DAAM2: variants seen among roughly 807,000 people sequenced by gnomAD.
The protein encoded by DAAM2 is disheveled-associated activator of morphogenesis 2.
A neutral mutation model predicts 120.7 loss-of-function variants in DAAM2; 39 were observed. The ratio of observed to expected loss-of-function variants is 0.32; its 90% CI spans 0.25 to 0.42. DAAM2 has a LOEUF of 0.42. Among genes scored for constraint, DAAM2 ranks in the 10% least tolerant of loss-of-function variants. DAAM2 has a pLI of 1.00. For missense variants in DAAM2, 1,283 were observed against 1,401.7 expected (o/e 0.92, Z 1.35); for synonymous variants, 488 against 524.9 (o/e 0.93, Z 0.96).
intron 15 of DAAM2, chr6:39,886,138 T>G: frequency 2.9e-6 from 1 of 343,864 alleles, no homozygotes; most frequent in Non-Finnish European, 5.2e-6. Context: ...AACTCAGGGG[T>G]TTGGTCTGCC....
intron 8 of DAAM2, 41 bp from the exon 9 acceptor site, chr6:39,871,465 G>T: frequency 6.5e-7 from 1 of 1,529,674 alleles, no homozygotes. Context: ...GGTGTGTCCT[G>T]GCTGTAATGT....
At chr6:39,866,447 C>A (rs1232427877) in intron 5 of DAAM2, among the ~76,000 whole-genome samples, 1 of 152,108 alleles carries the variant, frequency 6.6e-6, no homozygotes, top group Non-Finnish European at 1.5e-5. Flanking sequence ...AACATAAACA[C>A]AAATACGCTT....
chr6:39,869,753 C>CT (rs531295826), intron 7 of DAAM2, among the ~76,000 whole-genome samples: 7,585 of 101,908 alleles, frequency 0.074, 391 homozygotes, highest in Non-Finnish European at 0.11. Flanking sequence ...CGCCAGCATA[C>CT]TTTTTTTTTT....
chr6:39,807,242 T>C (rs1643580473), intron 1 of DAAM2, among the ~76,000 whole-genome samples: 1 of 149,754 alleles, frequency 6.7e-6, no homozygotes, highest in Admixed American at 6.6e-5. Flanking sequence ...TAGTGACATA[T>C]AATCTCAGAA....
At chr6:39,898,232 G>A (rs1445617363) in intron 21 of DAAM2, among the ~76,000 whole-genome samples, 1 of 152,168 alleles carries the variant, frequency 6.6e-6, no homozygotes, top group African/African-American at 2.4e-5. Flanking sequence ...AAGGTTGCTG[G>A]GGCAATCAGA....
chr6:39,817,244 A>G (rs911004939), intron 1 of DAAM2, among the ~76,000 whole-genome samples: 6 of 152,196 alleles, frequency 3.9e-5, no homozygotes, highest in Admixed American at 1.3e-4. Context: ...TTATGATTCT[A>G]TTACTTTTCT....
intron 1 of DAAM2, among the ~76,000 whole-genome samples, chr6:39,824,285 A>G (rs1462735357): frequency 6.6e-6 from 1 of 152,070 alleles, no homozygotes; most frequent in South Asian, 2.1e-4. Context: ...CCATCCCCCT[A>G]GAGCCCGTGC....
chr6:39,867,950 A>G, intron 6 of DAAM2, 107 bp downstream of exon 6: 1 of 1,022,404 alleles, frequency 9.8e-7, no homozygotes, highest in South Asian at 1.6e-5. Context: ...GGAAAAGGAA[A>G]GTAATGTGGT....
chr6:39,794,285 T>C (rs1365706385), intron 1 of DAAM2, among the ~76,000 whole-genome samples: 4 of 152,206 alleles, frequency 2.6e-5, no homozygotes, highest in Non-Finnish European at 4.4e-5. Context: ...CATGGGAGGA[T>C]AAATGGTCTA....
In DAAM2 at chr6:39,879,441, C is replaced by A; in HGVS notation, c.1809C>A (p.His603Gln). The change falls in exon 14 of 25, where the codon CAC (histidine) becomes CAA (glutamine). Residue 603 changes from histidine to glutamine, a missense_variant. By Grantham distance (24) the His-to-Gln change is conservative. This residue lies in a region of DAAM2 where 748 missense variants were observed against 768.6 expected (regional missense o/e 0.97). Coordinates refer to ENST00000274867, the MANE Select transcript of DAAM2 (RefSeq NM_001201427.2). ...LRKKRVPQPSHPLKSFNWVKL... is the reference protein window; with the variant it reads ...LRKKRVPQPSQPLKSFNWVKL... ...AAAAGCGTGTCCCCCAGCCTTCTCACCCACTGAAGTCCTTCAACTGGGTGA... is the reference window on the plus strand; with the variant it reads ...AAAAGCGTGTCCCCCAGCCTTCTCAACCACTGAAGTCCTTCAACTGGGTGA... 5 of 1,614,028 alleles carry A rather than the reference C, an allele frequency of 3.1e-6. No homozygotes were observed. Among genetic ancestry groups the A allele is most frequent in the Non-Finnish European group, 4.2e-6 (5 of 1,179,894 alleles).
chr6:39,875,051 C>T (rs1475935226), intron 10 of DAAM2, among the ~76,000 whole-genome samples: 1 of 152,134 alleles, frequency 6.6e-6, no homozygotes, highest in African/African-American at 2.4e-5. Flanking sequence ...AGGGTCCAAA[C>T]AAGGAAGAAA....
chr6:39,814,889 C>A (rs1012015959), intron 1 of DAAM2, among the ~76,000 whole-genome samples: 1 of 152,220 alleles, frequency 6.6e-6, no homozygotes, highest in Non-Finnish European at 1.5e-5. Context: ...CTCCTCCATT[C>A]TCTTCAGTAT....
chr6:39,882,703 G>GCA (rs59036252), intron 14 of DAAM2, among the ~76,000 whole-genome samples: 138 of 150,262 alleles, frequency 9.2e-4, no homozygotes, highest in Middle Eastern at 3.4e-3. Context: ...TTCTGTGAGC[G>GCA]CACACACACA....
intron 1 of DAAM2, among the ~76,000 whole-genome samples, chr6:39,799,194 C>T (rs776034962): frequency 1.8e-4 from 28 of 152,108 alleles, no homozygotes; most frequent in Non-Finnish European, 3.8e-4. Context: ...TAGGGGGTAG[C>T]CAGAGACAGG....
chr6:39,891,305 C>G (rs763583312), intron 17 of DAAM2, 36 bp from the exon 18 acceptor site: 2 of 1,500,492 alleles, frequency 1.3e-6, no homozygotes, highest in South Asian at 2.4e-5. Context: ...CTGCTGCTCA[C>G]CAGTTGCTTG....
intron 3 of DAAM2, among the ~76,000 whole-genome samples, chr6:39,864,101 C>G (rs796364355): frequency 1.3e-5 from 2 of 152,240 alleles, no homozygotes; most frequent in South Asian, 2.1e-4. Context: ...TTAGATTCAA[C>G]AGCCAGGAAA....
chr6:39,800,037 T>G (rs1175997701), intron 1 of DAAM2, among the ~76,000 whole-genome samples: 1 of 152,222 alleles, frequency 6.6e-6, no homozygotes, highest in African/African-American at 2.4e-5. Flanking sequence ...TGTAACTCAT[T>G]TTTATTTTTT....
chr6:39,821,675 C>G (rs1762492760), intron 1 of DAAM2: 1 of 152,218 alleles, frequency 6.6e-6, no homozygotes, highest in Non-Finnish European at 1.5e-5. Context: ...GGTTGTCAAC[C>G]TTGAGGCAGG....
At chr6:39,838,606 A>G (rs1421108087) in intron 1 of DAAM2, among the ~76,000 whole-genome samples, 1 of 152,116 alleles carries the variant, frequency 6.6e-6, no homozygotes, top group Non-Finnish European at 1.5e-5. Context: ...GTGACCAACC[A>G]TCCCAGTTTG....
Sources: allele counts gnomAD v4.1 joint callset (sites outside exome capture counted in the v4.1 genomes callset), GRCh38; gene constraint gnomAD v4.1.1; regional missense constraint gnomAD v4.1.1; transcripts MANE v1.5; gene names NCBI Gene and HGNC (gene_info 2026-07-23, HGNC 2026-07-21).